Variants in ATAD2B observed in about 807,000 individuals in gnomAD.
ATAD2B encodes ATPase family AAA domain-containing protein 2B.
In ATAD2B, 40 loss-of-function variants were observed where a neutral mutation model predicts 167.6. That is an observed-to-expected ratio of 0.24 (90% CI 0.19 to 0.31). The LOEUF (loss-of-function observed/expected upper bound fraction) is 0.31. ATAD2B is among the 10% of genes least tolerant of loss of function. ATAD2B has a pLI of 1.00. For synonymous variants in ATAD2B, 579 were observed against 596.5 expected (o/e 0.97, Z 0.43); for missense variants, 1,242 against 1,757.2 (o/e 0.71, Z 5.24).
intron 13 of ATAD2B, among the ~76,000 whole-genome samples, chr2:23,854,470 G>C (rs773050212): frequency 3.3e-5 from 5 of 151,520 alleles, no homozygotes; most frequent in Non-Finnish European, 5.9e-5. Flanking sequence ...CTGAGGTCAG[G>C]AGTTCTAGAC....
At chr2:23,861,645 C>G (rs113056274) in intron 12 of ATAD2B, among the ~76,000 whole-genome samples, 3 of 151,456 alleles carry the variant, frequency 2.0e-5, no homozygotes, top group African/African-American at 7.3e-5. Flanking sequence ...AAGAGGCATC[C>G]CTAGCCCAAG....
intron 2 of ATAD2B, among the ~76,000 whole-genome samples, chr2:23,893,340 C>G (rs1699779130): frequency 6.6e-6 from 1 of 151,996 alleles, no homozygotes; most frequent in East Asian, 1.9e-4. Context: ...TTATTTCTAA[C>G]AAATTATTTT....
intron 1 of ATAD2B, among the ~76,000 whole-genome samples, chr2:23,912,503 T>C (rs1702455514): frequency 6.8e-6 from 1 of 147,014 alleles, no homozygotes; most frequent in Admixed American, 6.8e-5. Flanking sequence ...TGAGACCCCA[T>C]CTCAAAAAAA....
At chr2:23,844,337 T>A (rs1260514283) in intron 13 of ATAD2B, among the ~76,000 whole-genome samples, 1 of 151,312 alleles carries the variant, frequency 6.6e-6, no homozygotes, top group Non-Finnish European at 1.5e-5. Flanking sequence ...CAAAACCACT[T>A]CAAGAATATC....
Position 23,886,490 on chromosome 2 carries a change from C to A in ATAD2B, c.573-661G>T, listed in dbSNP as rs924678735. Among the ~76,000 whole-genome samples the A allele has an allele frequency of 2.0e-5, 3 of 151,770 alleles. No individual in the cohort carries two copies. In the South Asian group the frequency reaches 6.2e-4, roughly 32 times the overall value. ...AAGATGGTATTAAGAATAACTTGTACAAAATAATTGTATAAAATTATTTTA... is the reference window on the plus strand; with the variant it reads ...AAGATGGTATTAAGAATAACTTGTAAAAAATAATTGTATAAAATTATTTTA... On this transcript the variant is annotated intron_variant, in intron 4 of 27. Transcript: ENST00000238789.
At chr2:23,819,965 TA>T (rs1280017540) in intron 16 of ATAD2B, 83 bp from the exon 17 acceptor site, 4 of 977,152 alleles carry the variant, frequency 4.1e-6, no homozygotes, top group Non-Finnish European at 5.8e-6. Flanking sequence ...AAAATTGGGT[TA>T]AAAAATCAAA....
intron 8 of ATAD2B, chr2:23,872,466 C>T (rs1696143958): frequency 2.7e-6 from 2 of 736,446 alleles, no homozygotes; most frequent in Non-Finnish European, 5.0e-6. Context: ...CTGCAATCAG[C>T]ACCCATTTCC....
intron 26 of ATAD2B, 138 bp downstream of exon 26, chr2:23,754,509 A>C: frequency 8.3e-7 from 1 of 1,198,282 alleles, no homozygotes; most frequent in Non-Finnish European, 1.2e-6. Context: ...AAATACACAT[A>C]ACTCTTTTTT....
Position 23,834,038 on chromosome 2 carries a change from C to T in ATAD2B, c.1609G>A (p.Asp537Asn). The T allele has an allele frequency of 6.2e-7, 1 of 1,610,746 alleles. No individual in the cohort carries two copies. The change falls in exon 14 of 28, where the codon GAT (aspartate) becomes AAT (asparagine). Residue 537 changes from aspartate to asparagine, a missense_variant. Transcript: ENST00000238789. ...ATAACAACAATTTCACCCCTATTAT[C>T]TAATCCATCCATAAGAGCAAGGAGG... ...STLLALMDGL[D>N]NRGEIVVIGA... is the part of the protein sequence containing the mutation.
At chr2:23,763,901 T>C (rs570490844) in intron 23 of ATAD2B, among the ~76,000 whole-genome samples, 4 of 152,350 alleles carry the variant, frequency 2.6e-5, no homozygotes, top group East Asian at 1.9e-4. Flanking sequence ...CAGCATGTTT[T>C]TGAAGTTCGT....
chr2:23,810,551 A>G lies in ATAD2B; in HGVS notation c.2268-49T>C, dbSNP rs1434854069. 2.0e-6 allele frequency: 3 copies of G among 1,479,196 alleles called. No homozygotes were observed. The African/African-American group carries it at 4.2e-5, about 21-fold the overall frequency. 91.6% of individuals were successfully genotyped at this position (1,479,196 alleles called of 1,614,324 possible). ...TATTTCAAAGGCATACATTCTGAAG[A>G]CAAATATGAAATATCAGGCAAAATT... is the stretch of plus-strand genomic sequence containing the variant. On this transcript the variant is annotated intron_variant, in intron 17 of 27. Transcript: ENST00000238789.
chr2:23,869,903 G>C (rs2176263), intron 8 of ATAD2B, 142 bp from the exon 9 acceptor site: 353,676 of 581,642 alleles, frequency 0.61, 110,809 homozygotes, highest in East Asian at 0.84. Flanking sequence ...CAATTTACAT[G>C]AAGTATAAAG....
chr2:23,797,691 T>G (rs1253263873), intron 19 of ATAD2B, among the ~76,000 whole-genome samples: 2 of 152,166 alleles, frequency 1.3e-5, no homozygotes, highest in Admixed American at 6.5e-5. Context: ...CAAAATTCAT[T>G]TAAGTTTTAT....
At chr2:23,761,353 G>C (rs1374519097) in intron 24 of ATAD2B, among the ~76,000 whole-genome samples, 1 of 152,224 alleles carries the variant, frequency 6.6e-6, no homozygotes, top group Admixed American at 6.5e-5. Flanking sequence ...TTCAGGTTGA[G>C]TATCCAAAAT....
At chr2:23,696,611 T>C in the ATAD2B span, 5 of 974,246 alleles carry the variant, frequency 5.1e-6, no homozygotes, top group African/African-American at 6.6e-5. This position sits in a 1 kb window ranked among gnomAD's most constrained non-coding sequence, Gnocchi z 5.5. Flanking sequence ...TCAGTGGCGA[T>C]GGAGCAGAGC....
intron 1 of ATAD2B, among the ~76,000 whole-genome samples, chr2:23,915,116 G>A (rs1702852986): frequency 2.0e-5 from 3 of 152,154 alleles, no homozygotes; most frequent in African/African-American, 7.2e-5. Context: ...AAAGTACTAT[G>A]TAGCAGGTGG....
At chr2:23,737,489 C>A in the ATAD2B span, among the ~76,000 whole-genome samples, 3 of 152,298 alleles carry the variant, frequency 2.0e-5, no homozygotes, top group Admixed American at 2.0e-4. Flanking sequence ...TGAGGGTCCT[C>A]TCTGTTAGAA....
chr2:23,880,619 A>C lies in ATAD2B; in HGVS notation c.901+20T>G, dbSNP rs554520227. The C allele has an allele frequency of 9.9e-5, 140 of 1,410,366 alleles. 3 individuals carry two copies. The South Asian group carries it at 1.7e-3, about 17-fold the overall frequency. 87.4% of individuals were successfully genotyped at this position (1,410,366 alleles called of 1,614,324 possible). ...GTTACTCAACTACCAGAAAGAAAAAAGTTATTTAGAGTTGCCTACCTATTG... is the reference window on the plus strand; with the variant it reads ...GTTACTCAACTACCAGAAAGAAAAACGTTATTTAGAGTTGCCTACCTATTG... On this transcript the variant is annotated intron_variant, in intron 7 of 27. Coordinates refer to ENST00000238789, the MANE Select transcript of ATAD2B (RefSeq NM_017552.4).
intron 13 of ATAD2B, 145 bp downstream of exon 13, chr2:23,857,270 G>A (rs1201321947): frequency 4.0e-6 from 2 of 494,244 alleles, no homozygotes; most frequent in Non-Finnish European, 7.2e-6. Flanking sequence ...GCTGACCCCT[G>A]TACTAAGAGA....
Sources: gnomAD v4.1 joint callset for allele counts (sites outside exome capture counted in the v4.1 genomes callset) on GRCh38, gnomAD v4.1.1 for gene constraint, Gnocchi (gnomAD v3.1) non-coding constraint, MANE v1.5 for transcripts, NCBI Gene and HGNC (gene_info 2026-07-23, HGNC 2026-07-21) for gene names.